The following ENTREP2 variants were observed in gnomAD, a reference collection of about 807,000 sequenced individuals.
ENTREP2 encodes protein ENTREP2.
the ENTREP2 span, among the ~76,000 whole-genome samples, chr15:29,553,860 T>C: frequency 2.6e-5 from 4 of 152,140 alleles, no homozygotes; most frequent in Non-Finnish European, 5.9e-5. Context: ...CCCCAGCTGA[T>C]ATCCAACACA....
the ENTREP2 span, among the ~76,000 whole-genome samples, chr15:29,475,476 T>C: frequency 1.3e-5 from 2 of 152,078 alleles, no homozygotes; most frequent in African/African-American, 2.4e-5. Flanking sequence ...TCACCGCACC[T>C]TGGAATGCAT....
chr15:29,545,340 C>T, the ENTREP2 span, among the ~76,000 whole-genome samples: 1 of 152,068 alleles, frequency 6.6e-6, no homozygotes, highest in Non-Finnish European at 1.5e-5. Flanking sequence ...GCTAAGAGGA[C>T]ACAAAAGGTC....
At chr15:29,620,170 A>T in the ENTREP2 span, among the ~76,000 whole-genome samples, 9 of 152,110 alleles carry the variant, frequency 5.9e-5, no homozygotes, top group Non-Finnish European at 1.2e-4. Context: ...GAAAAGGACA[A>T]GCTCACCCTG....
At chr15:29,407,381 A>G in the ENTREP2 span, among the ~76,000 whole-genome samples, 11 of 152,170 alleles carry the variant, frequency 7.2e-5, no homozygotes, top group South Asian at 6.2e-4. Context: ...GTACGACTGT[A>G]TATCTATCAA....
chr15:29,568,828 A>AGG, the ENTREP2 span, among the ~76,000 whole-genome samples: 11 of 152,176 alleles, frequency 7.2e-5, no homozygotes, highest in Non-Finnish European at 4.4e-5. Flanking sequence ...ACTAAAATGT[A>AGG]GGGGATGATG....
chr15:29,421,327 C>T, the ENTREP2 span, among the ~76,000 whole-genome samples: 1 of 152,070 alleles, frequency 6.6e-6, no homozygotes, highest in African/African-American at 2.4e-5. Flanking sequence ...TGTAACATAC[C>T]CACTCTGGAG....
At chr15:29,594,733 T>C in the ENTREP2 span, among the ~76,000 whole-genome samples, 1 of 151,938 alleles carries the variant, frequency 6.6e-6, no homozygotes, top group Non-Finnish European at 1.5e-5. Context: ...GAGGCCAAGG[T>C]GGGCAAATCA....
chr15:29,567,150 G>A, the ENTREP2 span, among the ~76,000 whole-genome samples: 6 of 152,076 alleles, frequency 3.9e-5, no homozygotes, highest in Non-Finnish European at 7.4e-5. Flanking sequence ...GGCACAGCCC[G>A]GCACAGGAAA....
chr15:29,321,741 C>T, the ENTREP2 span, among the ~76,000 whole-genome samples: 368 of 151,770 alleles, frequency 2.4e-3, 2 homozygotes, highest in Non-Finnish European at 4.1e-3. Context: ...GCAAAGTGAC[C>T]TGCAAAAAAT....
At chr15:29,350,048 C>T in the ENTREP2 span, among the ~76,000 whole-genome samples, 1 of 152,210 alleles carries the variant, frequency 6.6e-6, no homozygotes, top group East Asian at 1.9e-4. Flanking sequence ...AATACAAACA[C>T]TACCAACCAA....
At chr15:29,642,852 T>C in the ENTREP2 span, among the ~76,000 whole-genome samples, 16 of 152,230 alleles carry the variant, frequency 1.1e-4, no homozygotes, top group Non-Finnish European at 2.4e-4. Flanking sequence ...GACCTTGTGA[T>C]CCACCCGCCT....
At chr15:29,468,289 C>A in the ENTREP2 span, among the ~76,000 whole-genome samples, 60 of 152,168 alleles carry the variant, frequency 3.9e-4, no homozygotes, top group East Asian at 9.5e-3. Flanking sequence ...CATCACTAGA[C>A]CACCAATGGT....
chr15:29,346,400 C>T, the ENTREP2 span, among the ~76,000 whole-genome samples: 6,653 of 152,182 alleles, frequency 0.044, 207 homozygotes, highest in Middle Eastern at 0.11. Flanking sequence ...CACAAAAACA[C>T]GGATCTTTGC....
chr15:29,197,896 C>T, the ENTREP2 span, among the ~76,000 whole-genome samples: 9 of 152,132 alleles, frequency 5.9e-5, no homozygotes, highest in African/African-American at 9.7e-5. Context: ...GCAGCCAACT[C>T]GAAGTACAAA....
the ENTREP2 span, among the ~76,000 whole-genome samples, chr15:29,432,173 T>TG: frequency 6.6e-6 from 1 of 152,222 alleles, no homozygotes; most frequent in South Asian, 2.1e-4. Context: ...AAAAGACTTC[T>TG]GCTCACTTCA....
the ENTREP2 span, among the ~76,000 whole-genome samples, chr15:29,179,587 T>C: frequency 6.6e-6 from 1 of 151,316 alleles, no homozygotes; most frequent in Non-Finnish European, 1.5e-5. Flanking sequence ...GTCGTCTTTT[T>C]TTTTTTTTTT....
At chr15:29,333,514 G>A in the ENTREP2 span, among the ~76,000 whole-genome samples, 9 of 152,058 alleles carry the variant, frequency 5.9e-5, no homozygotes, top group East Asian at 5.8e-4. Context: ...TGGCCCTCCC[G>A]GGCACCCGGC....
the ENTREP2 span, among the ~76,000 whole-genome samples, chr15:29,341,849 G>A: frequency 6.6e-6 from 1 of 152,168 alleles, no homozygotes; most frequent in Non-Finnish European, 1.5e-5. Flanking sequence ...CTGGACTACA[G>A]GATATTGTCA....
chr15:29,486,357 G>A, the ENTREP2 span, among the ~76,000 whole-genome samples: 1 of 152,058 alleles, frequency 6.6e-6, no homozygotes, highest in Non-Finnish European at 1.5e-5. Context: ...AAGATAGAAT[G>A]AAAATGGAAT....
Sources: gnomAD v4.1 joint callset for allele counts (sites outside exome capture counted in the v4.1 genomes callset) on GRCh38, gnomAD v4.1.1 for gene constraint, MANE v1.5 for transcripts, NCBI Gene and HGNC (gene_info 2026-07-23, HGNC 2026-07-21) for gene names.